ZNF638: variants seen among roughly 807,000 people sequenced by gnomAD.
ZNF638 encodes zinc finger protein 638, also known as CTCL tumor antigen se33-1.
Under a neutral mutation model 195.6 loss-of-function variants are expected in ZNF638, and 46 were observed. The ratio of observed to expected loss-of-function variants is 0.24; its 90% CI spans 0.19 to 0.30. The LOEUF is 0.30. Ranked by LOEUF, ZNF638 falls within the 10% of genes least tolerant of loss-of-function variation. ZNF638 has a pLI of 1.00. For synonymous variants in ZNF638, 845 were observed against 772.0 expected (o/e 1.09, Z -1.57); for missense variants, 2,440 against 2,325.3 (o/e 1.05, Z -1.01).
rs1165392252 is a variant in ZNF638, at chr2:71,408,144, C to G, written c.3158C>G (p.Pro1053Arg). The change falls in exon 20 of 28, where the codon CCT becomes CGT. Residue 1053 changes from proline to arginine, a missense_variant. By Grantham distance (103) the Pro-to-Arg change is moderately radical. Around this residue, in one of 5 missense-constraint regions of ZNF638, gnomAD observed 1,883 missense variants for 1,739.1 expected, o/e 1.08. Coordinates refer to ENST00000264447, the MANE Select transcript of ZNF638 (RefSeq NM_014497.5). ...RNKAILQLDS[P>R]ESAQSMYSFL... is the part of the protein sequence containing the mutation. Reference sequence around the variant, plus strand: ...AAGGCAATTCTTCAGTTAGATAGTCCTGAATCTGCTCAGTCAATGTATAGC... The same window carrying G: ...AAGGCAATTCTTCAGTTAGATAGTCGTGAATCTGCTCAGTCAATGTATAGC... 6.2e-7 allele frequency: 1 copy of G among 1,611,354 alleles called. No individual in the cohort carries two copies. The highest frequency in any genetic ancestry group is 8.5e-7 in the Non-Finnish European group (1 of 1,178,838).
At chr2:71,418,888 T>C (rs1002948587) in intron 21 of ZNF638, among the ~76,000 whole-genome samples, 1 of 152,210 alleles carries the variant, frequency 6.6e-6, no homozygotes, top group Non-Finnish European at 1.5e-5. Context: ...ATAAACAGTT[T>C]GAATTAAATA....
intron 10 of ZNF638, among the ~76,000 whole-genome samples, chr2:71,395,036 G>C (rs992535785): frequency 2.0e-5 from 3 of 152,024 alleles, no homozygotes; most frequent in African/African-American, 7.2e-5. Context: ...AACACCTCGG[G>C]GTGACCTTAC....
chr2:71,361,366 T>C (rs1297429192), intron 3 of ZNF638, among the ~76,000 whole-genome samples: 1 of 152,216 alleles, frequency 6.6e-6, no homozygotes, highest in Non-Finnish European at 1.5e-5. Context: ...TTCCAGCATA[T>C]ACATGTGAGA....
chr2:71,411,809 CATTTTTT>C (rs1262138555), intron 20 of ZNF638, among the ~76,000 whole-genome samples: 1 of 42,682 alleles, frequency 2.3e-5, no homozygotes, highest in African/African-American at 8.5e-5. Context: ...ATGAACTCAT[CATTTTTT>C]ATGGCTGCAT....
At chr2:71,413,998 GAGTT>G (rs2080267916) in intron 20 of ZNF638, among the ~76,000 whole-genome samples, 1 of 95,764 alleles carries the variant, frequency 1.0e-5, no homozygotes, top group Non-Finnish European at 2.0e-5. Flanking sequence ...CTCATAAAAT[GAGTT>G]AGGGAGGATT....
intron 23 of ZNF638, 69 bp from the exon 24 acceptor site, chr2:71,426,391 G>T (rs2080540066): frequency 1.8e-6 from 2 of 1,131,474 alleles, no homozygotes; most frequent in South Asian, 3.1e-5. Context: ...CACATTTATT[G>T]TGACTATTTG....
chr2:71,426,895 A>C lies in ZNF638; in HGVS notation c.5026A>C (p.Lys1676Gln), dbSNP rs1297429752. 1 of 1,614,204 alleles carries C rather than the reference A, an allele frequency of 6.2e-7. No individual in the cohort carries two copies. The highest frequency in any genetic ancestry group is 1.1e-5 in the South Asian group (1 of 91,086). The change falls in exon 24 of 28, where the codon AAA becomes CAA. Residue 1676 changes from lysine to glutamine, a missense_variant. Lys to Gln is a moderately conservative substitution (Grantham distance 53). Coordinates refer to ENST00000264447, the MANE Select transcript of ZNF638 (RefSeq NM_014497.5). ...LSVAEEQDLL[K>Q]QERLVTVDEI... Reference sequence around the variant, plus strand: ...AGTGGCTGAAGAACAAGATCTCCTCAAACAGGAACGCTTGGTAACTGTGGA... The same window carrying C: ...AGTGGCTGAAGAACAAGATCTCCTCCAACAGGAACGCTTGGTAACTGTGGA...
At chr2:71,377,480 T>C (rs753481834) in intron 8 of ZNF638, among the ~76,000 whole-genome samples, 3 of 152,208 alleles carry the variant, frequency 2.0e-5, no homozygotes, top group Non-Finnish European at 2.9e-5. Flanking sequence ...AGTGAATATT[T>C]GAGCATTACA....
chr2:71,433,115 C>A, intron 26 of ZNF638, 50 bp from the exon 27 acceptor site: 1 of 1,311,088 alleles, frequency 7.6e-7, no homozygotes, highest in Non-Finnish European at 1.1e-6. Flanking sequence ...ATGAACACAA[C>A]TGGAGATTAA....
chr2:71,417,681 A>G (rs1321412560), intron 20 of ZNF638, among the ~76,000 whole-genome samples: 1 of 151,018 alleles, frequency 6.6e-6, no homozygotes, highest in Non-Finnish European at 1.5e-5. Context: ...TTTCTCTCTA[A>G]TAAACTTTTC....
At position 71,423,703 on chromosome 2, in the gene ZNF638, G is replaced by C. The variant is rs1202479360; in HGVS notation, c.4189G>C (p.Val1397Leu). 1 of 1,613,890 alleles carries C rather than the reference G, an allele frequency of 6.2e-7. No individual in the cohort carries two copies. Among genetic ancestry groups the C allele is most frequent in the South Asian group, 1.1e-5 (1 of 91,084 alleles). Reference protein sequence around the residue: ...VSSSKPSIKAVIVSSPKAKAT... With the variant: ...VSSSKPSIKALIVSSPKAKAT... ...TAGCAGTAAACCAAGCATCAAGGCT[G>C]TTATAGTCTCTTCTCCTAAGGCAAA... is the stretch of plus-strand genomic sequence containing the variant. The change falls in exon 22 of 28, where the codon GTT becomes CTT. Residue 1397 changes from valine (V) to leucine (L), a missense_variant. Val to Leu is a conservative substitution (Grantham distance 32, BLOSUM62 1). Around this residue, in one of 5 missense-constraint regions of ZNF638, gnomAD observed 1,883 missense variants for 1,739.1 expected, o/e 1.08. Coordinates refer to ENST00000264447, the MANE Select transcript of ZNF638 (RefSeq NM_014497.5).
intron 8 of ZNF638, chr2:71,379,967 G>A (rs1441326811): frequency 3.7e-6 from 1 of 272,612 alleles, no homozygotes; most frequent in Non-Finnish European, 6.9e-6. Flanking sequence ...GCACGAGCAC[G>A]GTTTCAAGGC....
intron 1 of ZNF638, among the ~76,000 whole-genome samples, chr2:71,339,912 A>G (rs12475571): frequency 0.1 from 15,268 of 152,138 alleles, 1,115 homozygotes; most frequent in Admixed American, 0.21. Flanking sequence ...AATAAATACA[A>G]TGTTGTGCTC....
intron 10 of ZNF638, among the ~76,000 whole-genome samples, chr2:71,391,441 C>T (rs1454675667): frequency 2.0e-5 from 3 of 152,192 alleles, no homozygotes; most frequent in Admixed American, 6.5e-5. Context: ...TCATGTAAAT[C>T]AGGCTTTGCT....
At chr2:71,425,389 C>G in intron 23 of ZNF638, among the ~76,000 whole-genome samples, 1 of 151,994 alleles carries the variant, frequency 6.6e-6, no homozygotes, top group Non-Finnish European at 1.5e-5. Context: ...GTGGCTACTT[C>G]AGTTTGCTTT....
In ZNF638 at chr2:71,365,502, T is replaced by A; in HGVS notation, c.1791T>A (p.Leu597=). 1 of 1,614,092 alleles carries A rather than the reference T, an allele frequency of 6.2e-7. No individual in the cohort carries two copies. The highest frequency in any genetic ancestry group is 8.5e-7 in the Non-Finnish European group (1 of 1,179,972). The change falls in exon 6 of 28, where the codon CTT becomes CTA. Residue 597 remains leucine (L), a synonymous_variant. Transcript: ENST00000264447. ...CAGAATTTAATAAACAGAAGCATCT[T>A]GAAGCTGCTGATAAGGGACATTCAC... ...HGTEFNKQKH[L]EAADKGHSPA... is the part of the protein sequence containing the mutation.
chr2:71,379,530 A>C (rs1205451377), intron 8 of ZNF638: 2 of 152,176 alleles, frequency 1.3e-5, no homozygotes, highest in African/African-American at 4.8e-5. Flanking sequence ...TTTACTTAAT[A>C]ATGGCCCTAA....
chr2:71,384,091 T>A (rs867007502), intron 10 of ZNF638, among the ~76,000 whole-genome samples: 1 of 152,322 alleles, frequency 6.6e-6, no homozygotes, highest in South Asian at 2.1e-4. Context: ...CAGATTTAGA[T>A]AACATCCTTC....
At chr2:71,396,526 T>C (rs940315489) in intron 11 of ZNF638, among the ~76,000 whole-genome samples, 1 of 152,204 alleles carries the variant, frequency 6.6e-6, no homozygotes, top group Non-Finnish European at 1.5e-5. Flanking sequence ...TATAGTGGGA[T>C]TTTAGGTAAT....
Sources: gnomAD v4.1 joint callset for allele counts (sites outside exome capture counted in the v4.1 genomes callset) on GRCh38, gnomAD v4.1.1 for gene constraint, gnomAD v4.1.1 regional missense constraint, MANE v1.5 for transcripts, NCBI Gene and HGNC (gene_info 2026-07-23, HGNC 2026-07-21) for gene names.